LSS: variants seen among roughly 807,000 people sequenced by gnomAD.
LSS encodes the protein lanosterol synthase.
In LSS, 90 loss-of-function variants were observed where a neutral mutation model predicts 110.3. The observed-to-expected ratio is 0.82, with a 90% CI of 0.69 to 0.97. The LOEUF (loss-of-function observed/expected upper bound fraction) is 0.97. Among genes scored for constraint, LSS ranks in the 50% least tolerant of loss-of-function variants. LSS has a pLI of 0.00. For missense variants in LSS, 927 were observed against 990.0 expected (o/e 0.94, Z 0.85); for synonymous variants, 433 against 400.0 (o/e 1.08, Z -0.98).
At position 46,216,282 on chromosome 21, in the gene LSS, C is replaced by T. The variant is rs2080205474; in HGVS notation, c.783+107G>A. ...CTCTGCTCCACAGGGCTCTCCGCTCCACAGGGCCACCAGGTGAGTGGACAG... is the reference window on the plus strand; with the variant it reads ...CTCTGCTCCACAGGGCTCTCCGCTCTACAGGGCCACCAGGTGAGTGGACAG... On this transcript the variant is annotated intron_variant, in intron 7 of 21. Coordinates refer to ENST00000397728, the MANE Select transcript of LSS (RefSeq NM_002340.6). The surrounding 1 kb of genome is among the most constrained non-coding windows in gnomAD (Gnocchi z 4.2). The T allele has an allele frequency of 1.4e-6, 2 of 1,450,132 alleles. No homozygotes were observed. The highest frequency in any genetic ancestry group is 2.3e-5 in the East Asian group (1 of 43,892). The allele number at this position is 1,450,132 out of a possible 1,614,324, so 89.8% of individuals were successfully genotyped here.
Position 46,191,736 on chromosome 21 carries a change from C to G in LSS, c.2067+145G>C, listed in dbSNP as rs1470639788. 7 of 687,388 alleles carry G rather than the reference C, an allele frequency of 1.0e-5. No homozygotes were observed. In the Admixed American group the frequency reaches 1.5e-4, roughly 15 times the overall value. 42.6% of individuals were successfully genotyped at this position (687,388 alleles called of 1,614,324 possible). A position where few individuals can be genotyped will look rare whatever the true frequency, so the allele number is the denominator to read the frequency against. On this transcript the variant is annotated intron_variant, in intron 21 of 21. Transcript: ENST00000397728. ...CGACCACCTGCCACAGACCTGCCAC[C>G]AACTGTGGCATTCACTGGCAGAGGT...
rs769378489 is a variant in LSS, at chr21:46,205,897, C to T, written c.1609G>A (p.Val537Met). The T allele has an allele frequency of 1.4e-4, 225 of 1,611,494 alleles. No homozygotes were observed. The highest frequency in any genetic ancestry group is 1.8e-4 in the Non-Finnish European group (214 of 1,179,034). The part of the protein sequence containing the change: ...DYTYVECTSA[V>M]MQALKYFHKR... ...TGGAAATACTTAAGCGCCTGCATCA[C>T]GGCTGAGGTGCACTCCACATAGGTG... The change falls in exon 17 of 22, where the codon GTG becomes ATG. Residue 537 changes from valine (V) to methionine (M), a missense_variant. Transcript: ENST00000397728.
In LSS at chr21:46,216,448, A is replaced by G; in HGVS notation, c.724T>C (p.Tyr242His). 1 of 1,613,778 alleles carries G rather than the reference A, an allele frequency of 6.2e-7. No homozygotes were observed. ...GCACTCAGCCGAACGGCGTAGCAGT[A>G]GCTCATGGGCAGGTACACCTGCCGG... Reference protein sequence around the residue: ...HCRQVYLPMSYCYAVRLSAAE... With the variant: ...HCRQVYLPMSHCYAVRLSAAE... The change falls in exon 7 of 22, where the codon TAC (tyrosine) becomes CAC (histidine). Residue 242 changes from tyrosine (Y) to histidine (H), a missense_variant. Physicochemically the swap from Tyr to His is moderately conservative, Grantham distance 83 (BLOSUM62 2). Coordinates refer to ENST00000397728, the MANE Select transcript of LSS (RefSeq NM_002340.6). This position sits in a 1 kb window ranked among gnomAD's most constrained non-coding sequence, Gnocchi z 4.2.
chr21:46,227,233 G>A (rs1472451457), intron 3 of LSS: 7 of 290,634 alleles, frequency 2.4e-5, no homozygotes, highest in Non-Finnish European at 3.9e-5. Flanking sequence ...GGCATAGGCT[G>A]GGCCTTCCAC....
rs147410319 is a variant in LSS, at chr21:46,216,504, G to A, written c.668C>T (p.Pro223Leu). 6.1e-5 allele frequency: 98 copies of A among 1,606,932 alleles called. No individual in the cohort carries two copies. The highest frequency in any genetic ancestry group is 1.7e-4 in the Middle Eastern group (1 of 5,988). Residue 223 changes from proline (P) to leucine (L), a missense_variant, in exon 7 of 22, where the codon CCG (proline) becomes CTG (leucine). By Grantham distance (98) the Pro-to-Leu change is moderately conservative. Transcript: ENST00000397728. This position sits in a 1 kb window ranked among gnomAD's most constrained non-coding sequence, Gnocchi z 4.2. ...PEMWLFPDWA[P>L]AHPSTLWCHC... The stretch of plus-strand genomic sequence containing the variant: ...GCACCAGAGTGTGGAGGGGTGTGCC[G>A]GTGCCCAGTCAGGAAACAGCCTGGG...
At chr21:46,221,796 G>A in intron 5 of LSS, 58 bp downstream of exon 5, 4 of 1,609,400 alleles carry the variant, frequency 2.5e-6, no homozygotes, top group Non-Finnish European at 3.4e-6. Flanking sequence ...GCGTTTGTGA[G>A]AGCTCATTAT....
In LSS at chr21:46,191,929, T is replaced by C. The variant is rs1249500207; in HGVS notation, c.2019A>G (p.Gly673=). 1 of 1,613,640 alleles carries C rather than the reference T, an allele frequency of 6.2e-7. No homozygotes were observed. Among genetic ancestry groups the C allele is most frequent in the Non-Finnish European group, 8.5e-7 (1 of 1,179,940 alleles). ...GCTGTTTCTCAAGTAGACACCGGAC[T>C]CCTCTCTCCTGGGCCTCGATGTCAG... ...RHPDIEAQER[G]VRCLLEKQLP... The change falls in exon 21 of 22, where the codon GGA becomes GGG. Residue 673 remains glycine (G), a synonymous_variant. Transcript: ENST00000397728.
chr21:46,220,973 T>C (rs1490738149), intron 5 of LSS, among the ~76,000 whole-genome samples: 3 of 114,762 alleles, frequency 2.6e-5, no homozygotes. Flanking sequence ...CTTGGAGAGG[T>C]GGACAGCCTG....
At chr21:46,220,180 G>A (rs1184412568) in intron 5 of LSS, 2 of 152,292 alleles carry the variant, frequency 1.3e-5, no homozygotes, top group East Asian at 3.8e-4. Context: ...AACCCCAAAA[G>A]GTATGCAAAA....
intron 15 of LSS, 127 bp downstream of exon 15, chr21:46,207,301 C>T: frequency 8.4e-7 from 1 of 1,193,878 alleles, no homozygotes. Context: ...TAGACACCAT[C>T]CAAGGACAAG....
chr21:46,189,633 G>A lies in LSS; in HGVS notation c.*1471C>T. 1 of 455,764 alleles carries A rather than the reference G, an allele frequency of 2.2e-6. No homozygotes were observed. The highest frequency in any genetic ancestry group is 4.4e-6 in the Non-Finnish European group (1 of 226,784). The allele number at this position is 455,764 out of a possible 1,614,324, so 28.2% of individuals were successfully genotyped here. On this transcript the variant is annotated 3_prime_UTR_variant, in exon 22 of 22. Coordinates refer to ENST00000397728, the MANE Select transcript of LSS (RefSeq NM_002340.6). The stretch of plus-strand genomic sequence containing the variant: ...CAGAGGGGTGCCCCTGAAGGACTCT[G>A]GGCAGGCAATGACAGGATCTGAGGG...
At chr21:46,191,782 A>G in intron 21 of LSS, 99 bp downstream of exon 21, 1 of 1,036,388 alleles carries the variant, frequency 9.6e-7, no homozygotes, top group Non-Finnish European at 1.5e-6. Context: ...AAGTGTCCAA[A>G]GTACCCCAAA....
chr21:46,198,577 C>T (rs2079939939), intron 17 of LSS, among the ~76,000 whole-genome samples: 1 of 152,008 alleles, frequency 6.6e-6, no homozygotes, highest in African/African-American at 2.4e-5. Context: ...ATAGTCAAAA[C>T]ACTATTGAAG....
intron 17 of LSS, among the ~76,000 whole-genome samples, chr21:46,205,482 CAAG>C (rs1443189736): frequency 3.9e-5 from 6 of 152,210 alleles, no homozygotes; most frequent in Non-Finnish European, 7.3e-5. Flanking sequence ...CTGTTTGCTT[CAAG>C]AAGACCAACC....
chr21:46,215,241 T>C lies in LSS; in HGVS notation c.950A>G (p.Gln317Arg). 6.2e-7 allele frequency: 1 copy of C among 1,611,344 alleles called. No individual in the cohort carries two copies. Among genetic ancestry groups the C allele is most frequent in the African/African-American group, 1.3e-5 (1 of 74,998 alleles). ...GGCCACAATGTGTTCATACAGCTTC[T>C]GCACGGCCCGCTGCCGCAGGTGGGC... ...HSAHLRQRAV[Q>R]KLYEHIVADD... The change falls in exon 9 of 22, where the codon CAG becomes CGG. Residue 317 changes from glutamine (Q) to arginine (R), a missense_variant. Physicochemically the swap from Gln to Arg is conservative, Grantham distance 43. Transcript: ENST00000397728.
In LSS at chr21:46,205,898, G is replaced by C. The variant is rs189988050; in HGVS notation, c.1608C>G (p.Ala536=). The C allele has an allele frequency of 4.3e-6, 7 of 1,611,554 alleles. No homozygotes were observed. The highest frequency in any genetic ancestry group is 2.5e-6 in the Non-Finnish European group (3 of 1,178,984). Residue 536 remains alanine (A), a synonymous_variant, in exon 17 of 22, where the codon GCC becomes GCG. Coordinates refer to ENST00000397728, the MANE Select transcript of LSS (RefSeq NM_002340.6). ...GGAAATACTTAAGCGCCTGCATCAC[G>C]GCTGAGGTGCACTCCACATAGGTGT... ...IDYTYVECTS[A]VMQALKYFHK... is the part of the protein sequence containing the mutation.
At chr21:46,217,243 C>CAAAAA (rs752647829) in intron 6 of LSS, among the ~76,000 whole-genome samples, 1 of 42,388 alleles carries the variant, frequency 2.4e-5, no homozygotes, top group Non-Finnish European at 5.5e-5. Flanking sequence ...GACTCTGTCT[C>CAAAAA]AAAAAAAAAA....
In LSS at chr21:46,202,796, G is replaced by C. The variant is rs553902197; in HGVS notation, c.1670+3040C>G. ...GGAGGCTGAGGTGGGAGGATTGCTT[G>C]AGCCCGGAAGTTTGAGACTGTGGTG... is the stretch of plus-strand genomic sequence containing the variant. On this transcript the variant is annotated intron_variant, in intron 17 of 21. Coordinates refer to ENST00000397728, the MANE Select transcript of LSS (RefSeq NM_002340.6). 2.2e-4 allele frequency among the ~76,000 whole-genome samples: 33 copies of C among 152,318 alleles called. No individual in the cohort carries two copies. In the East Asian group the frequency reaches 4.6e-3, roughly 21 times the overall value.
rs961392258 is a variant in LSS at position 46,197,805 on chromosome 21, C to T, written c.1671-1538G>A. On this transcript the variant is annotated intron_variant, in intron 17 of 21. Transcript: ENST00000397728. ...TCGGGAGGCTGAGGCAGGAGAATGG[C>T]GTGAATCCGGGAGGCAGAGCTTGCG... Among the ~76,000 whole-genome samples, 3 of 151,570 alleles carry T rather than the reference C, an allele frequency of 2.0e-5. No individual in the cohort carries two copies. The East Asian group carries it at 5.9e-4, about 30-fold the overall frequency.
Sources: allele counts gnomAD v4.1 joint callset (sites outside exome capture counted in the v4.1 genomes callset), GRCh38; gene constraint gnomAD v4.1.1; non-coding constraint Gnocchi (gnomAD v3.1); transcripts MANE v1.5; gene names NCBI Gene and HGNC (gene_info 2026-07-23, HGNC 2026-07-21).